Variants in BRDT observed in about 807,000 individuals in gnomAD.
BRDT encodes the protein bromodomain testis associated.
A neutral mutation model predicts 113.9 loss-of-function variants in BRDT; 77 were observed. The observed-to-expected ratio is 0.68, with a 90% CI of 0.56 to 0.82. The LOEUF (loss-of-function observed/expected upper bound fraction) is 0.82. Ranked by LOEUF, BRDT falls within the 40% of genes least tolerant of loss-of-function variation. The pLI, the probability that BRDT is intolerant of heterozygous loss-of-function variation, is 0.00. For missense variants in BRDT, 1,027 were observed against 1,105.4 expected, an observed-to-expected ratio of 0.93 and a Z score of 1.01; for synonymous variants, 358 against 366.5, an observed-to-expected ratio of 0.98 and a Z score of 0.26.
intron 14 of BRDT, among the ~76,000 whole-genome samples, chr1:91,993,176 A>G (rs568412998): frequency 2.2e-4 from 33 of 152,276 alleles, no homozygotes; most frequent in African/African-American, 7.5e-4. Context: ...CTGGGTCTAT[A>G]TTGTTGTAAT....
At chr1:92,010,231 T>C (rs1687675114) in intron 18 of BRDT, among the ~76,000 whole-genome samples, 2 of 151,774 alleles carry the variant, frequency 1.3e-5, no homozygotes, top group South Asian at 4.2e-4. Context: ...TATTAGACCA[T>C]TTAAAGTTGC....
At position 91,976,331 on chromosome 1, in the gene BRDT, GTATT is replaced by G. The variant is rs1450855758; in HGVS notation, c.514_517del (p.Phe172SerfsTer17). On this transcript the variant is annotated frameshift_variant, in exon 5 of 19. Transcript: ENST00000399546. LOFTEE classifies it high-confidence loss of function. ...ATCATCACCCAGCGCAACAGAAAAA[GTATT>G]TAAGCAGCAAGAAATTCCTTCTGTA... 3.1e-6 allele frequency: 5 copies of G among 1,612,636 alleles called. No individual in the cohort carries two copies. Among genetic ancestry groups the G allele is most frequent in the Non-Finnish European group, 4.2e-6 (5 of 1,179,512 alleles).
At chr1:92,003,056 T>C (rs1686999103) in intron 16 of BRDT, among the ~76,000 whole-genome samples, 1 of 152,190 alleles carries the variant, frequency 6.6e-6, no homozygotes, top group African/African-American at 2.4e-5. Context: ...GTGAGATGCT[T>C]TAGTTGAGTG....
At chr1:91,970,305 C>T (rs1242466964) in intron 4 of BRDT, among the ~76,000 whole-genome samples, 1 of 152,120 alleles carries the variant, frequency 6.6e-6, no homozygotes, top group Non-Finnish European at 1.5e-5. Flanking sequence ...ATTCTGTCAC[C>T]CTGGCTGGAG....
At chr1:91,966,077 C>T (rs1683038227) in intron 3 of BRDT, among the ~76,000 whole-genome samples, 1 of 152,040 alleles carries the variant, frequency 6.6e-6, no homozygotes, top group Non-Finnish European at 1.5e-5. Context: ...GTTGCCCAGG[C>T]TGGAGTGCAG....
intron 7 of BRDT, 40 bp from the exon 8 acceptor site, chr1:91,979,526 TAAA>T (rs565062101): frequency 1.9e-6 from 3 of 1,556,614 alleles, no homozygotes; most frequent in African/African-American, 2.8e-5. Context: ...CTGGATTAAA[TAAA>T]AAATACAGAA....
In BRDT at chr1:91,981,332, G is replaced by T. The variant is rs1684706433; in HGVS notation, c.1815G>T (p.Arg605=). The change falls in exon 11 of 19, where the codon CGG becomes CGT. Residue 605 remains arginine, a synonymous_variant. Coordinates refer to ENST00000399546, the MANE Select transcript of BRDT (RefSeq NM_207189.4). ...HSQKKQELEK[R]LLDVNNQLNS... ...AGAAAAAACAGGAATTGGAAAAGCG[G>T]TTACTGGATGTTAATAATCAGTTAA... 6.2e-7 allele frequency: 1 copy of T among 1,613,934 alleles called. No homozygotes were observed.
rs1413140765 is a variant in BRDT, at chr1:92,004,570, C to T, written c.2545C>T (p.His849Tyr). The change falls in exon 17 of 19, where the codon CAT (histidine) becomes TAT (tyrosine). Residue 849 changes from histidine to tyrosine, a missense_variant. By Grantham distance (83) the His-to-Tyr change is moderately conservative. Transcript: ENST00000399546. ...TCGGACACAGGAACTCATACGGAAG[C>T]ATTTGGAACAAAATACAAAGGAACT... ...KARTQELIRK[H>Y]LEQNTKELKA... 2.5e-6 allele frequency: 4 copies of T among 1,611,972 alleles called. No homozygotes were observed. Among genetic ancestry groups the T allele is most frequent in the Non-Finnish European group, 3.4e-6 (4 of 1,179,402 alleles).
At position 91,968,831 on chromosome 1, in the gene BRDT, A is replaced by G. The variant is rs565425785; in HGVS notation, c.445+571A>G. Among the ~76,000 whole-genome samples the G allele has an allele frequency of 3.4e-4, 52 of 152,326 alleles. No homozygotes were observed. In the South Asian group the frequency reaches 0.011, roughly 32 times the overall value. On this transcript the variant is annotated intron_variant, in intron 4 of 18. Coordinates refer to ENST00000399546, the MANE Select transcript of BRDT (RefSeq NM_207189.4). Reference sequence around the variant, plus strand: ...TCAAGAGTGTAGTAAATGTTGGTTTATCTTTGGATCACTTAAGCAGTGTAA... The same window carrying G: ...TCAAGAGTGTAGTAAATGTTGGTTTGTCTTTGGATCACTTAAGCAGTGTAA...
chr1:91,977,573 C>T, intron 6 of BRDT, 180 bp downstream of exon 6: 1 of 534,522 alleles, frequency 1.9e-6, no homozygotes. Context: ...TCCACTTGAA[C>T]ATGTCCATGG....
chr1:91,997,495 G>A (rs1333760310), intron 15 of BRDT, among the ~76,000 whole-genome samples: 6 of 152,156 alleles, frequency 3.9e-5, no homozygotes, highest in East Asian at 3.8e-4. Context: ...CTTTTAACTA[G>A]AGTATGTTTT....
chr1:91,984,426 C>A (rs1685011480), intron 12 of BRDT, among the ~76,000 whole-genome samples: 1 of 152,000 alleles, frequency 6.6e-6, no homozygotes. Context: ...AAATAAAGCA[C>A]CTACTATTCT....
At chr1:91,956,813 T>C (rs1570423238) in intron 1 of BRDT, among the ~76,000 whole-genome samples, 1 of 152,234 alleles carries the variant, frequency 6.6e-6, no homozygotes, top group African/African-American at 2.4e-5. Flanking sequence ...CATGGTGATA[T>C]GTACCTGTAG....
intron 1 of BRDT, among the ~76,000 whole-genome samples, chr1:91,959,930 C>T (rs1213475172): frequency 6.6e-6 from 1 of 152,154 alleles, no homozygotes; most frequent in Non-Finnish European, 1.5e-5. Context: ...TTTTAAAAAA[C>T]CAACAAAACT....
intron 12 of BRDT, among the ~76,000 whole-genome samples, chr1:91,988,493 C>T (rs1685469803): frequency 4.6e-5 from 7 of 152,016 alleles, no homozygotes; most frequent in Admixed American, 4.6e-4. Context: ...CTCTGCCTCC[C>T]AGGTTCAAGT....
At chr1:91,957,521 G>A (rs1329395963) in intron 1 of BRDT, 2 of 152,140 alleles carry the variant, frequency 1.3e-5, no homozygotes, top group Non-Finnish European at 2.9e-5. Context: ...TGTTTTTGAG[G>A]AGTTTAGGTT....
intron 14 of BRDT, 50 bp downstream of exon 14, chr1:91,992,364 A>G: frequency 8.8e-7 from 1 of 1,138,540 alleles, no homozygotes; most frequent in South Asian, 1.6e-5. Context: ...TGGTTTACAT[A>G]TAGATTAGGG....
chr1:91,967,236 TTC>T (rs1056241167), intron 3 of BRDT, among the ~76,000 whole-genome samples: 29 of 152,074 alleles, frequency 1.9e-4, no homozygotes, highest in African/African-American at 6.5e-4. Flanking sequence ...TGAGTAGAAA[TTC>T]TCTTTTTTTT....
chr1:91,993,385 G>A (rs1333255265), intron 14 of BRDT, among the ~76,000 whole-genome samples: 5 of 152,100 alleles, frequency 3.3e-5, no homozygotes, highest in Non-Finnish European at 1.5e-5. Context: ...CCACAGAATA[G>A]GTGTGAGATT....
Sources: gnomAD v4.1 joint callset for allele counts (sites outside exome capture counted in the v4.1 genomes callset) on GRCh38, gnomAD v4.1.1 for gene constraint, MANE v1.5 for transcripts, NCBI Gene and HGNC (gene_info 2026-07-23, HGNC 2026-07-21) for gene names.